The following EVA1A variants were observed in gnomAD, a reference collection of about 807,000 sequenced individuals.
EVA1A encodes the protein protein eva-1 homolog A.
A neutral mutation model predicts 9.8 loss-of-function variants in EVA1A; 7 were observed. The ratio of observed to expected loss-of-function variants is 0.71; its 90% CI spans 0.41 to 1.34. The LOEUF is 1.34. Ranked by LOEUF, EVA1A falls within the 40% of genes most tolerant of loss-of-function variation. EVA1A has a pLI of 0.01. For missense variants in EVA1A, 206 were observed against 205.9 expected, an observed-to-expected ratio of 1.00 and a Z score of 0.00; for synonymous variants, 90 against 85.6, an observed-to-expected ratio of 1.05 and a Z score of -0.28.
At chr2:75,537,417 C>T (rs1173397446) in intron 1 of EVA1A, among the ~76,000 whole-genome samples, 1 of 152,042 alleles carries the variant, frequency 6.6e-6, no homozygotes, top group Non-Finnish European at 1.5e-5. Flanking sequence ...GTAAAGATGC[C>T]CACCCTCCCC....
At chr2:75,507,867 T>G (rs1348324766) in intron 3 of EVA1A, among the ~76,000 whole-genome samples, 1 of 152,192 alleles carries the variant, frequency 6.6e-6, no homozygotes, top group Admixed American at 6.5e-5. Context: ...GGACCTTTGT[T>G]GCGGGAAGTC....
intron 3 of EVA1A, chr2:75,517,749 T>G (rs1675065685): frequency 1.4e-5 from 10 of 715,400 alleles, no homozygotes; most frequent in Non-Finnish European, 2.1e-5. Context: ...AGCCCCCTCC[T>G]TGGTCAGAGT....
At chr2:75,502,593 G>C (rs1674468895) in intron 3 of EVA1A, among the ~76,000 whole-genome samples, 1 of 152,214 alleles carries the variant, frequency 6.6e-6, no homozygotes, top group Non-Finnish European at 1.5e-5. Context: ...AGGGAGGGAT[G>C]AGAACAGGAA....
chr2:75,559,699 G>GGGA (rs1676847127), intron 1 of EVA1A, among the ~76,000 whole-genome samples: 1 of 122,136 alleles, frequency 8.2e-6, no homozygotes, highest in Admixed American at 8.4e-5. Flanking sequence ...AAAGGAGGTG[G>GGGA]GGGGGGGGCG....
intron 3 of EVA1A, among the ~76,000 whole-genome samples, chr2:75,495,587 C>G (rs1674182548): frequency 6.6e-6 from 1 of 152,142 alleles, no homozygotes. Context: ...TTGTCTCACC[C>G]TGGTTTCAGA....
chr2:75,524,338 C>T (rs62150242), intron 1 of EVA1A, among the ~76,000 whole-genome samples: 1 of 152,048 alleles, frequency 6.6e-6, no homozygotes, highest in Non-Finnish European at 1.5e-5. Flanking sequence ...TTCTCATCCC[C>T]TCCCTGCTCA....
Position 75,495,386 on chromosome 2 carries a change from C to T in EVA1A, c.86-1777G>A, listed in dbSNP as rs563762730. Among the ~76,000 whole-genome samples, 10 of 152,250 alleles carry T rather than the reference C, an allele frequency of 6.6e-5. No homozygotes were observed. In the South Asian group the frequency reaches 8.3e-4, roughly 13 times the overall value. ...GAGACACTTCGACCAAATGCTAGGA[C>T]GATTAGGTAAATTCAAGCCTACTGA... On this transcript the variant is annotated intron_variant, in intron 3 of 3. Coordinates refer to ENST00000393913, the MANE Select transcript of EVA1A (RefSeq NM_001135032.2).
At chr2:75,505,756 G>A (rs918777860) in intron 3 of EVA1A, among the ~76,000 whole-genome samples, 1 of 152,022 alleles carries the variant, frequency 6.6e-6, no homozygotes, top group African/African-American at 2.4e-5. Context: ...AGAGGTTGCA[G>A]TGAGCCGAGA....
chr2:75,542,356 C>T (rs925325929), intron 1 of EVA1A: 2 of 152,072 alleles, frequency 1.3e-5, no homozygotes, highest in African/African-American at 4.8e-5. Context: ...CCAAAATTGC[C>T]AAAGGATCCA....
chr2:75,508,926 A>AG (rs1357042709), intron 3 of EVA1A, among the ~76,000 whole-genome samples: 1 of 151,954 alleles, frequency 6.6e-6, no homozygotes, highest in Non-Finnish European at 1.5e-5. Context: ...TCCTCCTCTG[A>AG]GGGGAGGAAT....
At chr2:75,549,028 T>C (rs1054786812) in intron 1 of EVA1A, among the ~76,000 whole-genome samples, 10 of 144,208 alleles carry the variant, frequency 6.9e-5, no homozygotes, top group African/African-American at 2.6e-4. Context: ...TTTTTACTAA[T>C]AAATCAAATA....
At chr2:75,565,721 T>A (rs1323007542), upstream of EVA1A, among the ~76,000 whole-genome samples, 2 of 152,172 alleles carry the variant, frequency 1.3e-5, no homozygotes, top group Non-Finnish European at 2.9e-5. Context: ...AAGGCAGGCA[T>A]GTAAAGCAAA....
chr2:75,518,249 T>C lies in EVA1A; in HGVS notation c.-68-41A>G, dbSNP rs926087120. 2.5e-5 allele frequency: 38 copies of C among 1,499,132 alleles called. No individual in the cohort carries two copies. In the South Asian group the frequency reaches 5.1e-4, roughly 20 times the overall value. The allele number at this position is 1,499,132 out of a possible 1,614,324, so 92.9% of individuals were successfully genotyped here. A position where few individuals can be genotyped will look rare whatever the true frequency, so the allele number is the denominator to read the frequency against. ...AAGTGAGTGATAAGAAACATTCTGC[T>C]GTCCTGAGGCCATGTTCCAGGTAGC... On this transcript the variant is annotated intron_variant, in intron 2 of 3. Transcript: ENST00000393913.
Position 75,493,381 on chromosome 2 carries a change from C to T in EVA1A, c.314G>A (p.Arg105Lys), listed in dbSNP as rs757536768. The T allele has an allele frequency of 6.2e-7, 1 of 1,614,258 alleles. No individual in the cohort carries two copies. The highest frequency in any genetic ancestry group is 1.1e-5 in the South Asian group (1 of 91,090). The change falls in exon 4 of 4, where the codon AGG (arginine) becomes AAG (lysine). Residue 105 changes from arginine (R) to lysine (K), a missense_variant. Physicochemically the swap from Arg to Lys is conservative, Grantham distance 26. Coordinates refer to ENST00000393913, the MANE Select transcript of EVA1A (RefSeq NM_001135032.2). The part of the protein sequence containing the change: ...LSVRRHRRFE[R>K]TLNKNVFTSA... ...GGTGAACACATTCTTGTTCAAAGTC[C>T]TCTCGAAGCGGCGGTGTCTCCGCAC...
chr2:75,537,744 A>G (rs549571393), intron 1 of EVA1A, among the ~76,000 whole-genome samples: 1 of 152,056 alleles, frequency 6.6e-6, no homozygotes, highest in Non-Finnish European at 1.5e-5. Flanking sequence ...TTCTCATTCT[A>G]TTACTTTATG....
chr2:75,493,510 T>C lies in EVA1A; in HGVS notation c.185A>G (p.Asp62Gly). Residue 62 changes from aspartate (D) to glycine (G), a missense_variant, in exon 4 of 4, where the codon GAC becomes GGC. Transcript: ENST00000393913. ...ALVIRISCHT[D>G]CRRRPGKKFL... Reference sequence around the variant, plus strand: ...CTTCTTCCCGGGACGCCGCCTGCAGTCTGTGTGGCAAGAGATCCTTATCAC... The same window carrying C: ...CTTCTTCCCGGGACGCCGCCTGCAGCCTGTGTGGCAAGAGATCCTTATCAC... 1 of 1,614,208 alleles carries C rather than the reference T, an allele frequency of 6.2e-7. No individual in the cohort carries two copies.
chr2:75,502,794 T>A (rs1674476732), intron 3 of EVA1A, among the ~76,000 whole-genome samples: 1 of 152,190 alleles, frequency 6.6e-6, no homozygotes, highest in Admixed American at 6.5e-5. Context: ...GGGTAAGTAG[T>A]GTTACTCTTG....
chr2:75,509,288 T>C (rs1674729060), intron 3 of EVA1A, among the ~76,000 whole-genome samples: 3 of 152,200 alleles, frequency 2.0e-5, no homozygotes, highest in Non-Finnish European at 4.4e-5. Context: ...TTATCTGCAC[T>C]TGCTGTGTAA....
Position 75,492,969 on chromosome 2 carries a change from T to C in EVA1A, c.*267A>G. On this transcript the variant is annotated 3_prime_UTR_variant, in exon 4 of 4. Transcript: ENST00000393913. ...AAATCAAGAGAAACCACAGTCGCGT[T>C]TCTCCGATCTCCATCCACAGTGTTG... The C allele has an allele frequency of 2.2e-6, 1 of 449,202 alleles. No individual in the cohort carries two copies. The highest frequency in any genetic ancestry group is 4.6e-5 in the South Asian group (1 of 21,820). The allele number at this position is 449,202 out of a possible 1,614,324, so 27.8% of individuals were successfully genotyped here. A position where few individuals can be genotyped will look rare whatever the true frequency, so the allele number is the denominator to read the frequency against.
Sources: gnomAD v4.1 joint callset for allele counts (sites outside exome capture counted in the v4.1 genomes callset) on GRCh38, gnomAD v4.1.1 for gene constraint, MANE v1.5 for transcripts, NCBI Gene and HGNC (gene_info 2026-07-23, HGNC 2026-07-21) for gene names.